The following PDZRN4 variants were observed in gnomAD, a reference collection of about 807,000 sequenced individuals.
The protein encoded by PDZRN4 is PDZ domain containing ring finger 4, also known as PDZ domain-containing RING finger protein 4.
A neutral mutation model predicts 99.0 loss-of-function variants in PDZRN4; 70 were observed. That is an observed-to-expected ratio of 0.71 (90% CI 0.58 to 0.86). PDZRN4 has a LOEUF of 0.86. Among genes scored for constraint, PDZRN4 ranks in the 40% least tolerant of loss-of-function variants. PDZRN4 has a pLI of 0.00. For missense variants in PDZRN4, 1,474 were observed against 1,331.2 expected (o/e 1.11, Z -1.67); for synonymous variants, 551 against 501.6 (o/e 1.10, Z -1.32).
At position 41,402,730 on chromosome 12, in the gene PDZRN4, G is replaced by A. The variant is rs1203132019; in HGVS notation, c.844-103726G>A. 3.5e-5 allele frequency among the ~76,000 whole-genome samples: 5 copies of A among 144,630 alleles called. No homozygotes were observed. In the South Asian group the frequency reaches 1.1e-3, roughly 32 times the overall value. The allele number at this position is 144,630 out of a possible 152,430, so 94.9% of individuals were successfully genotyped here. On this transcript the variant is annotated intron_variant, in intron 3 of 9. Transcript: ENST00000402685. Reference sequence around the variant, plus strand: ...CTCTTCAAAAGTCAGAATCACCAGTGATTTTTACTTATGATTGATTAGAGG... The same window carrying A: ...CTCTTCAAAAGTCAGAATCACCAGTAATTTTTACTTATGATTGATTAGAGG...
At chr12:41,383,673 T>G (rs1360911632) in intron 3 of PDZRN4, among the ~76,000 whole-genome samples, 1 of 152,226 alleles carries the variant, frequency 6.6e-6, no homozygotes, top group East Asian at 1.9e-4. Flanking sequence ...ATTGTAATAC[T>G]TACTATACCA....
intron 3 of PDZRN4, among the ~76,000 whole-genome samples, chr12:41,492,207 G>A (rs1247571408): frequency 1.3e-5 from 2 of 151,594 alleles, no homozygotes; most frequent in African/African-American, 4.8e-5. Flanking sequence ...TAAAAAGTAA[G>A]GAAAACTTAT....
chr12:41,255,860 C>T (rs1187968962), intron 3 of PDZRN4, among the ~76,000 whole-genome samples: 2 of 152,106 alleles, frequency 1.3e-5, no homozygotes, highest in Admixed American at 1.3e-4. Flanking sequence ...CTTTGAACAA[C>T]CAGCTCTCCT....
chr12:41,200,057 A>C (rs184225509), intron 3 of PDZRN4, among the ~76,000 whole-genome samples: 7 of 152,272 alleles, frequency 4.6e-5, no homozygotes, highest in African/African-American at 1.4e-4. Flanking sequence ...GGACATTACC[A>C]CCTTGCCTTA....
Position 41,479,838 on chromosome 12 carries a change from C to T in PDZRN4, c.844-26618C>T, listed in dbSNP as rs11180946. ...ATTAATGTATGCACATATTAAAATA[C>T]TTTTTATCCTTAAAACCACTCATTT... On this transcript the variant is annotated intron_variant, in intron 3 of 9. Transcript: ENST00000402685. Among the ~76,000 whole-genome samples, 802 of 152,174 alleles carry T rather than the reference C, an allele frequency of 5.3e-3. 41 individuals carry two copies. The East Asian group carries it at 0.13, about 24-fold the overall frequency.
intron 3 of PDZRN4, among the ~76,000 whole-genome samples, chr12:41,417,246 T>C (rs1230374099): frequency 1.3e-5 from 2 of 152,198 alleles, no homozygotes; most frequent in Non-Finnish European, 2.9e-5. Context: ...TTTAATGTCA[T>C]AGTGTTTCCT....
intron 3 of PDZRN4, among the ~76,000 whole-genome samples, chr12:41,501,650 C>T (rs984878253): frequency 3.3e-5 from 5 of 152,096 alleles, no homozygotes; most frequent in Non-Finnish European, 5.9e-5. Flanking sequence ...AAAGTGATTG[C>T]TTTTTCTTTA....
chr12:41,525,739 G>A (rs999440630), intron 5 of PDZRN4, among the ~76,000 whole-genome samples: 1 of 152,068 alleles, frequency 6.6e-6, no homozygotes, highest in African/African-American at 2.4e-5. Flanking sequence ...CCTTGTGGAT[G>A]ATAGGGTCCG....
Position 41,460,172 on chromosome 12 carries a change from C to T in PDZRN4, c.844-46284C>T, listed in dbSNP as rs116925900. The T allele has an allele frequency of 2.4e-3, 2,210 of 933,738 alleles. 8 individuals are homozygous for T. The highest frequency in any genetic ancestry group is 2.9e-3 in the Non-Finnish European group (2,040 of 706,110). The allele number at this position is 933,738 out of a possible 1,614,324, so 57.8% of individuals were successfully genotyped here. A position where few individuals can be genotyped will look rare whatever the true frequency, so the allele number is the denominator to read the frequency against. On this transcript the variant is annotated intron_variant, in intron 3 of 9. Transcript: ENST00000402685. ...CCTTTTTATGTATATATTGGTTGCA[C>T]GTTTAACAAGAGTTTATTCCTATAT...
chr12:41,499,405 G>T (rs980861133), intron 3 of PDZRN4, among the ~76,000 whole-genome samples: 1 of 152,068 alleles, frequency 6.6e-6, no homozygotes, highest in African/African-American at 2.4e-5. Flanking sequence ...TATGTCGTGT[G>T]CATTTTAGTT....
At chr12:41,440,570 T>A (rs1725847742) in intron 3 of PDZRN4, among the ~76,000 whole-genome samples, 1 of 152,070 alleles carries the variant, frequency 6.6e-6, no homozygotes, top group South Asian at 2.1e-4. Flanking sequence ...TTGTTGATAT[T>A]TTTTGCTCCT....
At chr12:41,295,905 C>CT (rs1007313986) in intron 3 of PDZRN4, among the ~76,000 whole-genome samples, 16 of 152,172 alleles carry the variant, frequency 1.1e-4, no homozygotes, top group Non-Finnish European at 1.9e-4. Flanking sequence ...AAATGGATAA[C>CT]TTTTTTTCAA....
chr12:41,529,416 T>C (rs532054167), intron 5 of PDZRN4, among the ~76,000 whole-genome samples: 2 of 152,214 alleles, frequency 1.3e-5, no homozygotes, highest in Non-Finnish European at 2.9e-5. Context: ...GGAGACCAAC[T>C]AATTCAAGAG....
At chr12:41,274,908 A>G (rs73120983) in intron 3 of PDZRN4, among the ~76,000 whole-genome samples, 1 of 152,128 alleles carries the variant, frequency 6.6e-6, no homozygotes. Flanking sequence ...AATATTTGCA[A>G]AGTCTCCCAG....
intron 3 of PDZRN4, among the ~76,000 whole-genome samples, chr12:41,247,334 G>A (rs1252882378): frequency 1.3e-5 from 2 of 152,164 alleles, no homozygotes; most frequent in Admixed American, 6.5e-5. Context: ...TGCTAGATAG[G>A]CAGATTTTCA....
At chr12:41,310,889 A>G (rs968785617) in intron 3 of PDZRN4, among the ~76,000 whole-genome samples, 2 of 152,282 alleles carry the variant, frequency 1.3e-5, no homozygotes, top group Admixed American at 6.5e-5. Flanking sequence ...TAAAGTTCAC[A>G]TAGGATTAAG....
At chr12:41,367,369 G>A (rs1035553082) in intron 3 of PDZRN4, among the ~76,000 whole-genome samples, 1 of 151,948 alleles carries the variant, frequency 6.6e-6, no homozygotes, top group African/African-American at 2.4e-5. Context: ...AATTAACCAG[G>A]CATGGTGGTG....
intron 3 of PDZRN4, among the ~76,000 whole-genome samples, chr12:41,360,939 AGTGTGTGTGTGTGTGT>A (rs10522706): frequency 0.2 from 30,785 of 150,464 alleles, 3,229 homozygotes; most frequent in Admixed American, 0.27. Context: ...GAATAAGTAA[AGTGTGTGTGTGTGTGT>A]GTGTGTGTGT....
intron 3 of PDZRN4, among the ~76,000 whole-genome samples, chr12:41,463,913 G>C (rs1486095423): frequency 6.6e-6 from 1 of 152,158 alleles, no homozygotes; most frequent in East Asian, 1.9e-4. Flanking sequence ...CCATCTAACA[G>C]AAGGCTCCAA....
Sources: gnomAD v4.1 joint callset for allele counts (sites outside exome capture counted in the v4.1 genomes callset) on GRCh38, gnomAD v4.1.1 for gene constraint, MANE v1.5 for transcripts, NCBI Gene and HGNC (gene_info 2026-07-23, HGNC 2026-07-21) for gene names.